CCDC170: variants seen among roughly 807,000 people sequenced by gnomAD.
CCDC170 encodes coiled-coil domain-containing protein 170.
Under a neutral mutation model 72.6 loss-of-function variants are expected in CCDC170, and 69 were observed. The observed-to-expected ratio is 0.95, with a 90% CI of 0.78 to 1.16. CCDC170 has a LOEUF of 1.16. Ranked by LOEUF, CCDC170 falls within the 50% of genes most tolerant of loss-of-function variation. The pLI is 0.00. For synonymous variants in CCDC170, 300 were observed against 303.9 expected, an observed-to-expected ratio of 0.99 and a Z score of 0.13; for missense variants, 852 against 832.5, an observed-to-expected ratio of 1.02 and a Z score of -0.29.
chr6:151,581,567 T>G (rs1274059968), intron 6 of CCDC170, among the ~76,000 whole-genome samples: 4 of 152,214 alleles, frequency 2.6e-5, no homozygotes, highest in Admixed American at 6.5e-5. Context: ...ATGACACCTA[T>G]GATGTTATTT....
chr6:151,525,657 C>T (rs979352866), intron 1 of CCDC170, among the ~76,000 whole-genome samples: 3 of 152,220 alleles, frequency 2.0e-5, no homozygotes, highest in African/African-American at 4.8e-5. Context: ...TCCCACCACC[C>T]TTTGCTGACT....
intron 3 of CCDC170, among the ~76,000 whole-genome samples, chr6:151,541,820 T>G (rs893510067): frequency 6.8e-6 from 1 of 147,134 alleles, no homozygotes; most frequent in African/African-American, 2.5e-5. Context: ...TAAATATATA[T>G]ATGTATATAT....
At chr6:151,572,135 G>A (rs2115087341) in intron 5 of CCDC170, among the ~76,000 whole-genome samples, 1 of 152,250 alleles carries the variant, frequency 6.6e-6, no homozygotes, top group South Asian at 2.1e-4. Flanking sequence ...TTACAGGAGT[G>A]AGCCACTGTG....
At chr6:151,613,109 C>A (rs1045068397) in intron 9 of CCDC170, among the ~76,000 whole-genome samples, 2 of 152,112 alleles carry the variant, frequency 1.3e-5, no homozygotes, top group Non-Finnish European at 2.9e-5. Flanking sequence ...CCATAAAATT[C>A]ACTTTTTAAA....
At chr6:151,571,138 T>C (rs573410717) in intron 5 of CCDC170, among the ~76,000 whole-genome samples, 23 of 152,294 alleles carry the variant, frequency 1.5e-4, no homozygotes, top group Non-Finnish European at 2.8e-4. Flanking sequence ...CTATCCTTTT[T>C]CCTGTTTCCA....
intron 7 of CCDC170, among the ~76,000 whole-genome samples, chr6:151,587,045 A>G (rs1437154767): frequency 6.6e-6 from 1 of 151,940 alleles, no homozygotes; most frequent in Non-Finnish European, 1.5e-5. Context: ...CGGCCTCCCA[A>G]AGTGCTGGGA....
chr6:151,556,525 A>T (rs764487710), intron 5 of CCDC170, among the ~76,000 whole-genome samples: 2 of 152,348 alleles, frequency 1.3e-5, no homozygotes, highest in African/African-American at 4.8e-5. Flanking sequence ...TGATTCATCA[A>T]TTTGAGGCAG....
chr6:151,574,574 T>G (rs1472518255), intron 6 of CCDC170, among the ~76,000 whole-genome samples: 2 of 152,188 alleles, frequency 1.3e-5, no homozygotes, highest in Non-Finnish European at 2.9e-5. Context: ...GACAGTTTCC[T>G]ACCGTCAATC....
intron 1 of CCDC170, among the ~76,000 whole-genome samples, chr6:151,504,373 G>A (rs1360313872): frequency 6.6e-6 from 1 of 151,988 alleles, no homozygotes; most frequent in East Asian, 1.9e-4. Context: ...CAACTATGGA[G>A]CTTACTTACA....
chr6:151,580,304 CT>C (rs1269965110), intron 6 of CCDC170, among the ~76,000 whole-genome samples: 1 of 152,140 alleles, frequency 6.6e-6, no homozygotes, highest in Non-Finnish European at 1.5e-5. Flanking sequence ...GAAATACTCA[CT>C]TCCTGTTTGC....
chr6:151,559,897 AC>A (rs1335817190), intron 5 of CCDC170, among the ~76,000 whole-genome samples: 3 of 149,134 alleles, frequency 2.0e-5, no homozygotes, highest in Non-Finnish European at 4.5e-5. Context: ...CAAAAAAGAA[AC>A]TTTTTATGTT....
At position 151,548,420 on chromosome 6, in the gene CCDC170, G is replaced by A; in HGVS notation, c.705G>A (p.Leu235=). ...AKASRETIMR[L]ASEVNREQKK... ...CTAGCAGAGAAACGATCATGAGGCT[G>A]GCTTCAGAAGTCAACAGAGAGCAGA... Residue 235 remains leucine (L), a synonymous_variant, in exon 5 of 11, where the codon CTG becomes CTA. Coordinates refer to ENST00000239374, the MANE Select transcript of CCDC170 (RefSeq NM_025059.4). 6.2e-7 allele frequency: 1 copy of A among 1,612,822 alleles called. No individual in the cohort carries two copies. Among genetic ancestry groups the A allele is most frequent in the Non-Finnish European group, 8.5e-7 (1 of 1,179,240 alleles).
chr6:151,558,897 AAAT>A (rs1783031401), intron 5 of CCDC170, among the ~76,000 whole-genome samples: 1 of 152,104 alleles, frequency 6.6e-6, no homozygotes, highest in South Asian at 2.1e-4. Flanking sequence ...GGATCAATAG[AAAT>A]TTTATGATTT....
At chr6:151,592,364 TAAATAAATAAATAAAC>T (rs1452999460) in intron 7 of CCDC170, among the ~76,000 whole-genome samples, 30 of 151,804 alleles carry the variant, frequency 2.0e-4, no homozygotes, top group African/African-American at 7.3e-4. Context: ...TGTCTCAAAA[TAAATAAATAAATAAAC>T]AAATAAATAA....
intron 6 of CCDC170, among the ~76,000 whole-genome samples, chr6:151,577,472 TACG>T (rs2115094702): frequency 6.6e-6 from 1 of 152,362 alleles, no homozygotes; most frequent in African/African-American, 2.4e-5. Context: ...GACAGAAAGT[TACG>T]ACATTTTCAG....
At position 151,618,228 on chromosome 6, in the gene CCDC170, T is replaced by G; in HGVS notation, c.*81T>G. Reference sequence around the variant, plus strand: ...CACAAATTCCTCATGTCTTTGAGATTTGATCAGTTTGTGAATATTTTATGC... The same window carrying G: ...CACAAATTCCTCATGTCTTTGAGATGTGATCAGTTTGTGAATATTTTATGC... On this transcript the variant is annotated 3_prime_UTR_variant, in exon 11 of 11. Transcript: ENST00000239374. 8.1e-7 allele frequency: 1 copy of G among 1,230,426 alleles called. No individual in the cohort carries two copies. The highest frequency in any genetic ancestry group is 1.2e-6 in the Non-Finnish European group (1 of 858,144). The allele number at this position is 1,230,426 out of a possible 1,614,324, so 76.2% of individuals were successfully genotyped here.
At chr6:151,546,069 C>T (rs1397083982) in intron 4 of CCDC170, among the ~76,000 whole-genome samples, 3 of 152,160 alleles carry the variant, frequency 2.0e-5, no homozygotes, top group African/African-American at 4.8e-5. Context: ...TGAGCCATCA[C>T]GTCTGGCCTA....
chr6:151,545,107 A>G (rs1351452082), intron 4 of CCDC170, among the ~76,000 whole-genome samples: 1 of 152,116 alleles, frequency 6.6e-6, no homozygotes, highest in East Asian at 1.9e-4. Context: ...GATCTAAAGT[A>G]CTTTAAAAAT....
intron 7 of CCDC170, among the ~76,000 whole-genome samples, chr6:151,591,821 T>G (rs1776540744): frequency 6.6e-6 from 1 of 152,062 alleles, no homozygotes; most frequent in Non-Finnish European, 1.5e-5. Flanking sequence ...TAAAGAAATT[T>G]TCTAAAATAT....
Sources: allele counts gnomAD v4.1 joint callset (sites outside exome capture counted in the v4.1 genomes callset), GRCh38; gene constraint gnomAD v4.1.1; transcripts MANE v1.5; gene names NCBI Gene and HGNC (gene_info 2026-07-23, HGNC 2026-07-21).